Variants in ZNF277 observed in about 807,000 individuals in gnomAD.
ZNF277 encodes the protein nuclear receptor-interacting factor 4.
ZNF277 carries 55 observed loss-of-function variants against 60.7 expected under a neutral mutation model. The ratio of observed to expected loss-of-function variants is 0.91; its 90% confidence interval spans 0.73 to 1.13. The LOEUF (loss-of-function observed/expected upper bound fraction) is 1.13, where lower values mean the gene tolerates loss of function less well. Ranked by LOEUF, ZNF277 falls within the 50% of genes most tolerant of loss-of-function variation. The probability of loss-of-function intolerance (pLI) is 0.00; values close to 1 mark genes in which losing one functional copy is unlikely to be tolerated. For synonymous variants in ZNF277, 178 were observed against 179.3 expected (o/e 0.99, Z 0.06); for missense variants, 510 against 523.0 (o/e 0.98, Z 0.24).
chr7:112,308,436 G>A (rs1303093923), intron 4 of ZNF277, among the ~76,000 whole-genome samples: 1 of 152,054 alleles, frequency 6.6e-6, no homozygotes, highest in African/African-American at 2.4e-5. Flanking sequence ...AGAACCACTT[G>A]AGCCCAGGAG....
At position 112,281,897 on chromosome 7, in the gene ZNF277, A is replaced by C. The variant is rs111944797; in HGVS notation, c.92-4976A>C. 1.1e-3 allele frequency among the ~76,000 whole-genome samples: 172 copies of C among 152,256 alleles called. 2 individuals are homozygous for C. Among genetic ancestry groups the C allele is most frequent in the African/African-American group, 3.9e-3 (162 of 41,536 alleles). On this transcript the variant is annotated intron_variant, in intron 1 of 11. Transcript: ENST00000361822. ...ACCCAGGCTGGAGTGCAATGGCATGATGTTGGCTCACTGCAACCTCCACCT... is the reference window on the plus strand; with the variant it reads ...ACCCAGGCTGGAGTGCAATGGCATGCTGTTGGCTCACTGCAACCTCCACCT...
intron 1 of ZNF277, among the ~76,000 whole-genome samples, chr7:112,215,320 T>C (rs1821851512): frequency 6.6e-6 from 1 of 152,266 alleles, no homozygotes; most frequent in South Asian, 2.1e-4. Flanking sequence ...TCCCACATTA[T>C]ACAATATATA....
At chr7:112,268,685 C>T (rs1791600689) in intron 1 of ZNF277, among the ~76,000 whole-genome samples, 1 of 152,028 alleles carries the variant, frequency 6.6e-6, no homozygotes, top group African/African-American at 2.4e-5. Flanking sequence ...ATGATAACTA[C>T]CTACCTTCAG....
chr7:112,338,570 A>G (rs1793378046), intron 9 of ZNF277, among the ~76,000 whole-genome samples: 1 of 152,136 alleles, frequency 6.6e-6, no homozygotes, highest in African/African-American at 2.4e-5. Flanking sequence ...ATAGTGGACC[A>G]TATTCTCTAC....
At chr7:112,254,163 C>G (rs1791254832) in intron 1 of ZNF277, among the ~76,000 whole-genome samples, 1 of 152,212 alleles carries the variant, frequency 6.6e-6, no homozygotes, top group Non-Finnish European at 1.5e-5. Flanking sequence ...TTTAGAGAAG[C>G]TTTTCAGAAA....
intron 1 of ZNF277, among the ~76,000 whole-genome samples, chr7:112,249,414 C>T (rs1292946353): frequency 6.6e-6 from 1 of 152,130 alleles, no homozygotes; most frequent in Non-Finnish European, 1.5e-5. Context: ...GCCATTTGAT[C>T]CCTTTCATGC....
chr7:112,300,938 T>A (rs1163815581), intron 4 of ZNF277, among the ~76,000 whole-genome samples: 2 of 152,120 alleles, frequency 1.3e-5, no homozygotes, highest in African/African-American at 4.8e-5. Flanking sequence ...ATACTCATAC[T>A]TACCTTGTCT....
chr7:112,246,897 G>T (rs998868826), intron 1 of ZNF277, among the ~76,000 whole-genome samples: 2 of 152,170 alleles, frequency 1.3e-5, no homozygotes, highest in African/African-American at 4.8e-5. Flanking sequence ...AATGCAAGTC[G>T]TTTTAATTAT....
At chr7:112,314,620 C>G (rs1426760742) in intron 4 of ZNF277, among the ~76,000 whole-genome samples, 2 of 152,000 alleles carry the variant, frequency 1.3e-5, no homozygotes, top group African/African-American at 4.8e-5. Context: ...ATGGAGAAAC[C>G]CTGTCTCTAC....
At chr7:112,247,405 A>T (rs915260573) in intron 1 of ZNF277, among the ~76,000 whole-genome samples, 12 of 152,330 alleles carry the variant, frequency 7.9e-5, no homozygotes, top group African/African-American at 2.4e-4. Context: ...GCAGATTGAC[A>T]TGAGCAAATT....
At chr7:112,305,189 C>G (rs1792561720) in intron 4 of ZNF277, among the ~76,000 whole-genome samples, 1 of 151,968 alleles carries the variant, frequency 6.6e-6, no homozygotes, top group East Asian at 1.9e-4. Context: ...CTCAGGAGAC[C>G]AGGCTCGGTA....
intron 1 of ZNF277, among the ~76,000 whole-genome samples, chr7:112,236,734 T>G (rs1790802721): frequency 6.6e-6 from 1 of 152,110 alleles, no homozygotes; most frequent in Non-Finnish European, 1.5e-5. Flanking sequence ...TCTCATCTTT[T>G]AAATTACAAC....
chr7:112,313,735 C>T (rs1401965660), intron 4 of ZNF277, among the ~76,000 whole-genome samples: 1 of 152,082 alleles, frequency 6.6e-6, no homozygotes, highest in Non-Finnish European at 1.5e-5. Context: ...TATCAACTTA[C>T]TGTCACTGTG....
At chr7:112,272,817 C>T (rs1791704548) in intron 1 of ZNF277, among the ~76,000 whole-genome samples, 1 of 152,124 alleles carries the variant, frequency 6.6e-6, no homozygotes, top group African/African-American at 2.4e-5. Flanking sequence ...TTTGAGAAAC[C>T]ATCATACTGT....
At chr7:112,339,971 A>G in intron 10 of ZNF277, 86 bp downstream of exon 10, 1 of 1,260,942 alleles carries the variant, frequency 7.9e-7, no homozygotes, top group Non-Finnish European at 1.1e-6. Context: ...AGTAGCTATG[A>G]TTGGAGAGTG....
chr7:112,246,502 G>A (rs192446673), intron 1 of ZNF277, among the ~76,000 whole-genome samples: 1 of 152,302 alleles, frequency 6.6e-6, no homozygotes, highest in African/African-American at 2.4e-5. Context: ...AAGGGGAGCA[G>A]TCCAAAAGTA....
intron 1 of ZNF277, among the ~76,000 whole-genome samples, chr7:112,237,027 A>T (rs1034628250): frequency 6.6e-6 from 1 of 152,176 alleles, no homozygotes; most frequent in South Asian, 2.1e-4. Flanking sequence ...GATCACATCA[A>T]GTATCCTCTT....
intron 1 of ZNF277, among the ~76,000 whole-genome samples, chr7:112,210,885 G>A (rs779403998): frequency 2.0e-5 from 3 of 152,188 alleles, no homozygotes; most frequent in East Asian, 3.8e-4. Context: ...CATCCCTCAC[G>A]TGGTGTCATT....
chr7:112,304,274 G>A (rs1792543615), intron 4 of ZNF277, among the ~76,000 whole-genome samples: 2 of 152,052 alleles, frequency 1.3e-5, no homozygotes, highest in Admixed American at 1.3e-4. Flanking sequence ...AGTATATTAA[G>A]TATTATTTAG....
Sources: allele counts gnomAD v4.1 joint callset (sites outside exome capture counted in the v4.1 genomes callset), GRCh38; gene constraint gnomAD v4.1.1; transcripts MANE v1.5; gene names NCBI Gene and HGNC (gene_info 2026-07-23, HGNC 2026-07-21).